Variants in SLCO3A1 observed in about 807,000 individuals in gnomAD.
SLCO3A1 encodes the protein solute carrier organic anion transporter family member 3A1.
SLCO3A1 carries 27 observed loss-of-function variants against 63.1 expected under a neutral mutation model. The ratio of observed to expected loss-of-function variants is 0.43; its 90% CI spans 0.32 to 0.59. The LOEUF (loss-of-function observed/expected upper bound fraction) is 0.59, where lower values mean the gene tolerates loss of function less well. Among genes scored for constraint, SLCO3A1 ranks in the 20% least tolerant of loss-of-function variants. The pLI is 0.09. For missense variants in SLCO3A1, 773 were observed against 945.8 expected (o/e 0.82, Z 2.40); for synonymous variants, 473 against 409.9 (o/e 1.15, Z -1.86).
chr15:92,150,519 T>C (rs1016067336), intron 8 of SLCO3A1, among the ~76,000 whole-genome samples: 4 of 152,156 alleles, frequency 2.6e-5, no homozygotes, highest in African/African-American at 9.7e-5. Context: ...GACTGGAGAA[T>C]GGTAAAGGTG....
At chr15:91,980,580 G>A (rs1308694852) in intron 2 of SLCO3A1, among the ~76,000 whole-genome samples, 1 of 151,970 alleles carries the variant, frequency 6.6e-6, no homozygotes, top group African/African-American at 2.4e-5. Flanking sequence ...ATAACTCCTC[G>A]ACTATAAATC....
intron 2 of SLCO3A1, among the ~76,000 whole-genome samples, chr15:91,975,324 C>G (rs1422479524): frequency 1.3e-5 from 2 of 152,178 alleles, no homozygotes; most frequent in Admixed American, 1.3e-4. Flanking sequence ...ATAGTCCATC[C>G]TCCACCCCAC....
chr15:91,902,115 T>C (rs1199300221), intron 1 of SLCO3A1, among the ~76,000 whole-genome samples: 1 of 152,224 alleles, frequency 6.6e-6, no homozygotes, highest in Non-Finnish European at 1.5e-5. Context: ...GCTCCTTTTG[T>C]GAATTTTTTG....
intron 1 of SLCO3A1, among the ~76,000 whole-genome samples, chr15:91,913,910 C>T (rs914244258): frequency 6.6e-6 from 1 of 152,160 alleles, no homozygotes; most frequent in African/African-American, 2.4e-5. Context: ...GTTGACGTGG[C>T]CTTTTCTTCT....
chr15:92,100,472 T>C (rs1020006351), intron 3 of SLCO3A1, among the ~76,000 whole-genome samples: 9 of 152,256 alleles, frequency 5.9e-5, no homozygotes, highest in Non-Finnish European at 8.8e-5. Context: ...GGCAATTGAA[T>C]GCATCTAAGT....
At chr15:92,012,920 T>C (rs1004725299) in intron 2 of SLCO3A1, among the ~76,000 whole-genome samples, 4 of 152,108 alleles carry the variant, frequency 2.6e-5, no homozygotes, top group African/African-American at 9.7e-5. Flanking sequence ...ATGGCATTTG[T>C]TGAATGTAAA....
intron 2 of SLCO3A1, among the ~76,000 whole-genome samples, chr15:91,989,331 G>A (rs767727849): frequency 1.3e-5 from 2 of 152,064 alleles, no homozygotes; most frequent in Admixed American, 6.6e-5. Flanking sequence ...AACATACATA[G>A]TCCCCTTCCT....
At chr15:92,085,623 C>G (rs1449017515) in intron 2 of SLCO3A1, among the ~76,000 whole-genome samples, 1 of 152,218 alleles carries the variant, frequency 6.6e-6, no homozygotes, top group Non-Finnish European at 1.5e-5. Context: ...CATGTGCATA[C>G]GTGTGTATTA....
In SLCO3A1 at chr15:91,942,081, A is replaced by C. The variant is rs1007602766; in HGVS notation, c.646+25623A>C. 2.0e-5 allele frequency among the ~76,000 whole-genome samples: 3 copies of C among 152,312 alleles called. No homozygotes were observed. ...CTTGTTCTTTATTCTAGACAATGCC[A>C]CCACCTACTGTTTTGCTGTTTAAAT... On this transcript the variant is annotated intron_variant, in intron 2 of 9. Coordinates refer to ENST00000318445, the MANE Select transcript of SLCO3A1 (RefSeq NM_013272.4). This position sits in a 1 kb window ranked among gnomAD's most constrained non-coding sequence, Gnocchi z 4.1.
intron 2 of SLCO3A1, among the ~76,000 whole-genome samples, chr15:91,976,886 G>A (rs1490526198): frequency 6.6e-6 from 1 of 152,060 alleles, no homozygotes; most frequent in African/African-American, 2.4e-5. Flanking sequence ...AGGGAGGCAG[G>A]GCGAGATCAC....
intron 2 of SLCO3A1, among the ~76,000 whole-genome samples, chr15:92,054,816 G>A (rs2047002925): frequency 6.6e-6 from 1 of 152,144 alleles, no homozygotes; most frequent in Admixed American, 6.5e-5. Context: ...ATTCCATAGT[G>A]TATATGTACC....
chr15:92,059,388 C>T (rs871370), intron 2 of SLCO3A1, among the ~76,000 whole-genome samples: 16,992 of 152,220 alleles, frequency 0.11, 1,049 homozygotes, highest in East Asian at 0.25. Flanking sequence ...CCGGGGCACA[C>T]ACCACTTTCT....
chr15:91,902,594 C>G (rs1898187890), intron 1 of SLCO3A1, among the ~76,000 whole-genome samples: 1 of 151,988 alleles, frequency 6.6e-6, no homozygotes, highest in South Asian at 2.1e-4. Context: ...AACCAGATTC[C>G]CACTGATCTA....
At chr15:91,955,865 C>G (rs1473000147) in intron 2 of SLCO3A1, among the ~76,000 whole-genome samples, 7 of 152,180 alleles carry the variant, frequency 4.6e-5, no homozygotes, top group Non-Finnish European at 7.3e-5. Flanking sequence ...TAATTACCAG[C>G]TTTCTTTAGG....
At chr15:92,097,139 G>A (rs990599642) in intron 3 of SLCO3A1, among the ~76,000 whole-genome samples, 1 of 152,208 alleles carries the variant, frequency 6.6e-6, no homozygotes, top group Non-Finnish European at 1.5e-5. Flanking sequence ...ATCAGTGGTG[G>A]CCTTGAACCA....
Position 91,899,754 on chromosome 15 carries a change from T to C in SLCO3A1, c.181-16239T>C, listed in dbSNP as rs532079795. On this transcript the variant is annotated intron_variant, in intron 1 of 9. Coordinates refer to ENST00000318445, the MANE Select transcript of SLCO3A1 (RefSeq NM_013272.4). The stretch of plus-strand genomic sequence containing the variant: ...CTTCCAGAAAGTTGCTGATGCCCAG[T>C]TGTGGTAAGTTCCTGCCCCATCTCC... Among the ~76,000 whole-genome samples, 11 of 152,306 alleles carry C rather than the reference T, an allele frequency of 7.2e-5. No individual in the cohort carries two copies. The South Asian group carries it at 1.5e-3, about 20-fold the overall frequency.
chr15:92,041,253 G>C (rs950617420), intron 2 of SLCO3A1, among the ~76,000 whole-genome samples: 12 of 152,282 alleles, frequency 7.9e-5, no homozygotes, highest in East Asian at 7.7e-4. Context: ...GTATAGTACA[G>C]GTATGTTTCC....
intron 2 of SLCO3A1, among the ~76,000 whole-genome samples, chr15:91,982,857 C>T (rs983966369): frequency 6.6e-6 from 1 of 152,226 alleles, no homozygotes; most frequent in Non-Finnish European, 1.5e-5. Context: ...TATAAGTCTC[C>T]CAAGCCCAGG....
At chr15:92,069,845 A>T (rs1462003383) in intron 2 of SLCO3A1, among the ~76,000 whole-genome samples, 1 of 152,198 alleles carries the variant, frequency 6.6e-6, no homozygotes, top group Non-Finnish European at 1.5e-5. Flanking sequence ...AGGCGACATA[A>T]CTTCCTGGTT....
Sources: allele counts gnomAD v4.1 joint callset (sites outside exome capture counted in the v4.1 genomes callset), GRCh38; gene constraint gnomAD v4.1.1; non-coding constraint Gnocchi (gnomAD v3.1); transcripts MANE v1.5; gene names NCBI Gene and HGNC (gene_info 2026-07-23, HGNC 2026-07-21).